Variants in PLCB1 observed in about 807,000 individuals in gnomAD.
The protein encoded by PLCB1 is 1-phosphatidylinositol 4,5-bisphosphate phosphodiesterase beta-1.
PLCB1 carries 46 observed loss-of-function variants against 161.8 expected under a neutral mutation model. The ratio of observed to expected loss-of-function variants is 0.28; its 90% CI spans 0.22 to 0.36. The LOEUF (loss-of-function observed/expected upper bound fraction) is 0.36, where lower values mean the gene tolerates loss of function less well. Among genes scored for constraint, PLCB1 ranks in the 10% least tolerant of loss-of-function variants. The pLI is 1.00. For missense variants in PLCB1, 1,016 were observed against 1,472.5 expected, an observed-to-expected ratio of 0.69 and a Z score of 5.07; for synonymous variants, 517 against 503.7, an observed-to-expected ratio of 1.03 and a Z score of -0.35.
chr20:8,529,408 A>G (rs1329714207), intron 3 of PLCB1, among the ~76,000 whole-genome samples: 1 of 152,028 alleles, frequency 6.6e-6, no homozygotes, highest in African/African-American at 2.4e-5. Context: ...AACCTCTCGC[A>G]TATGCTCAAG....
At chr20:8,185,764 G>A (rs73080277) in intron 2 of PLCB1, among the ~76,000 whole-genome samples, 14,027 of 151,976 alleles carry the variant, frequency 0.092, 693 homozygotes, top group Middle Eastern at 0.17. Flanking sequence ...AGCATTAAGT[G>A]GATTCATTCT....
intron 28 of PLCB1, 31 bp downstream of exon 28, chr20:8,788,556 G>A (rs767617817): frequency 1.2e-6 from 2 of 1,603,722 alleles, no homozygotes; most frequent in East Asian, 2.2e-5. Context: ...CAATTGACAT[G>A]TGCATCTGAA....
intron 3 of PLCB1, among the ~76,000 whole-genome samples, chr20:8,507,431 T>C (rs1311721156): frequency 6.6e-6 from 1 of 152,204 alleles, no homozygotes; most frequent in Non-Finnish European, 1.5e-5. Flanking sequence ...ATTTGCTGAT[T>C]TCAGCAAATT....
At chr20:8,418,285 G>A (rs895361571) in intron 3 of PLCB1, among the ~76,000 whole-genome samples, 5 of 152,146 alleles carry the variant, frequency 3.3e-5, no homozygotes, top group South Asian at 2.1e-4. Context: ...GAAAATCCCC[G>A]ATTCTGTGTC....
chr20:8,445,807 C>G (rs1480541322), intron 3 of PLCB1, among the ~76,000 whole-genome samples: 1 of 151,922 alleles, frequency 6.6e-6, no homozygotes, highest in Non-Finnish European at 1.5e-5. Context: ...CTCTTTGAAG[C>G]AATTGTGAAT....
chr20:8,358,967 G>C (rs6118178), intron 2 of PLCB1, among the ~76,000 whole-genome samples: 3 of 152,142 alleles, frequency 2.0e-5, no homozygotes, highest in Admixed American at 6.5e-5. Context: ...TTCTCATGAA[G>C]GTCAAGTCAA....
intron 2 of PLCB1, chr20:8,370,944 T>C (rs1372674247): frequency 6.3e-6 from 1 of 157,860 alleles, no homozygotes; most frequent in African/African-American, 2.4e-5. Context: ...GGCAGATTCG[T>C]ATCTCTGCCT....
intron 11 of PLCB1, among the ~76,000 whole-genome samples, chr20:8,701,971 A>G (rs954173694): frequency 1.3e-4 from 20 of 152,198 alleles, no homozygotes; most frequent in African/African-American, 4.6e-4. Flanking sequence ...GCTACACTGC[A>G]TAGTGCAGCA....
chr20:8,562,893 C>T (rs1252156910), intron 3 of PLCB1, among the ~76,000 whole-genome samples: 1 of 152,018 alleles, frequency 6.6e-6, no homozygotes, highest in Non-Finnish European at 1.5e-5. Context: ...AGGAAAAGTA[C>T]ATAACTGAGG....
chr20:8,696,748 T>C (rs996970956), intron 10 of PLCB1, among the ~76,000 whole-genome samples: 3 of 152,188 alleles, frequency 2.0e-5, no homozygotes, highest in African/African-American at 7.2e-5. Flanking sequence ...ATTTATTTAT[T>C]TTTGAGACAG....
At chr20:8,430,606 C>A (rs1157477801) in intron 3 of PLCB1, among the ~76,000 whole-genome samples, 2 of 152,162 alleles carry the variant, frequency 1.3e-5, no homozygotes, top group East Asian at 3.8e-4. Context: ...AATAGGCCAA[C>A]CTAACTGCAG....
intron 31 of PLCB1, among the ~76,000 whole-genome samples, chr20:8,842,197 C>A (rs139479469): frequency 0.018 from 2,668 of 152,220 alleles, 39 homozygotes; most frequent in Middle Eastern, 0.075. Flanking sequence ...CAGGGATAAG[C>A]AAACAATCAG....
chr20:8,743,078 T>C (rs1014335866), intron 23 of PLCB1, among the ~76,000 whole-genome samples: 2 of 152,188 alleles, frequency 1.3e-5, no homozygotes, highest in Admixed American at 6.5e-5. Context: ...GGATTTCCAG[T>C]AGTATGTTGA....
chr20:8,554,123 T>G (rs1474902996), intron 3 of PLCB1, among the ~76,000 whole-genome samples: 1 of 151,058 alleles, frequency 6.6e-6, no homozygotes, highest in Non-Finnish European at 1.5e-5. Context: ...TTGGCAAGAT[T>G]GTAGAATAGC....
Position 8,722,363 on chromosome 20 carries a change from A to G in PLCB1, c.1523A>G (p.Asp508Gly). The change falls in exon 15 of 32, where the codon GAT becomes GGT. Residue 508 changes from aspartate to glycine, a missense_variant. This residue lies in a region of PLCB1 where 109 missense variants were observed against 129.7 expected (regional missense o/e 0.84). Transcript: ENST00000338037. ...EPSSPGAGEADTESDDDDDDD... is the reference protein window; with the variant it reads ...EPSSPGAGEAGTESDDDDDDD... The stretch of plus-strand genomic sequence containing the variant: ...TATTAAAATTTGACAGGAGAAGCTG[A>G]TACGGAAAGTGACGACGACGATGAT... 6.2e-7 allele frequency: 1 copy of G among 1,611,472 alleles called. No homozygotes were observed. Among genetic ancestry groups the G allele is most frequent in the South Asian group, 1.1e-5 (1 of 90,664 alleles).
chr20:8,470,264 A>G (rs1455875542), intron 3 of PLCB1, among the ~76,000 whole-genome samples: 1 of 152,166 alleles, frequency 6.6e-6, no homozygotes, highest in Non-Finnish European at 1.5e-5. Flanking sequence ...ATATGTTTTC[A>G]TGTATCTTTG....
chr20:8,836,081 G>T (rs6140738), intron 31 of PLCB1, among the ~76,000 whole-genome samples: 39,423 of 151,536 alleles, frequency 0.26, 6,809 homozygotes, highest in East Asian at 0.63. Context: ...CAGGAGTGAC[G>T]GGGCCCTGTG....
chr20:8,407,104 C>T (rs1244309151), intron 3 of PLCB1, among the ~76,000 whole-genome samples: 1 of 152,110 alleles, frequency 6.6e-6, no homozygotes, highest in Non-Finnish European at 1.5e-5. Flanking sequence ...TAGAATGAAT[C>T]ATGTGATACT....
At chr20:8,664,993 A>G (rs950194619) in intron 9 of PLCB1, among the ~76,000 whole-genome samples, 6 of 152,146 alleles carry the variant, frequency 3.9e-5, no homozygotes, top group Non-Finnish European at 7.4e-5. Flanking sequence ...GGCTTAAGTC[A>G]TATGACTCCC....
Sources: gnomAD v4.1 joint callset for allele counts (sites outside exome capture counted in the v4.1 genomes callset) on GRCh38, gnomAD v4.1.1 for gene constraint, gnomAD v4.1.1 regional missense constraint, MANE v1.5 for transcripts, NCBI Gene and HGNC (gene_info 2026-07-23, HGNC 2026-07-21) for gene names.